The following ZCCHC14 variants were observed in gnomAD, a reference collection of about 807,000 sequenced individuals.
ZCCHC14 encodes zinc finger CCHC-type containing 14.
A neutral mutation model predicts 85.0 loss-of-function variants in ZCCHC14; 16 were observed. That is an observed-to-expected ratio of 0.19 (90% CI 0.13 to 0.29). The LOEUF (loss-of-function observed/expected upper bound fraction) is 0.29, where lower values mean the gene tolerates loss of function less well. Among genes scored for constraint, ZCCHC14 ranks in the 10% least tolerant of loss-of-function variants. ZCCHC14 has a pLI of 1.00. For missense variants in ZCCHC14, 1,303 were observed against 1,443.5 expected (o/e 0.90, Z 1.58); for synonymous variants, 775 against 630.7 (o/e 1.23, Z -3.43).
intron 8 of ZCCHC14, 131 bp from the exon 9 acceptor site, chr16:87,415,498 A>C: frequency 1.3e-6 from 1 of 745,454 alleles, no homozygotes; most frequent in Non-Finnish European, 2.2e-6. Flanking sequence ...TGAACTCAGC[A>C]ATTACAAGCT....
At chr16:87,462,495 C>T (rs1220957638) in intron 1 of ZCCHC14, among the ~76,000 whole-genome samples, 2 of 152,222 alleles carry the variant, frequency 1.3e-5, no homozygotes, top group African/African-American at 4.8e-5. Context: ...AATCCCAGCA[C>T]TTTGGGAGGC....
At chr16:87,431,488 A>C (rs1055889501) in intron 3 of ZCCHC14, among the ~76,000 whole-genome samples, 2 of 151,540 alleles carry the variant, frequency 1.3e-5, no homozygotes, top group Non-Finnish European at 2.9e-5. Flanking sequence ...AAAAAAAAAA[A>C]AAAGAAAAGA....
intron 12 of ZCCHC14, 170 bp downstream of exon 12, chr16:87,411,346 G>A: frequency 6.7e-7 from 1 of 1,498,714 alleles, no homozygotes; most frequent in South Asian, 1.4e-5. Context: ...CCCAACAGCA[G>A]TCCTTCTGGG....
At chr16:87,465,898 T>G (rs2150764470) in intron 1 of ZCCHC14, among the ~76,000 whole-genome samples, 1 of 152,068 alleles carries the variant, frequency 6.6e-6, no homozygotes, top group Admixed American at 6.5e-5. Context: ...ACTCCTGGGC[T>G]CAAGCCATCC....
At chr16:87,456,040 T>C (rs1429376568) in intron 2 of ZCCHC14, among the ~76,000 whole-genome samples, 2 of 152,188 alleles carry the variant, frequency 1.3e-5, no homozygotes, top group Non-Finnish European at 1.5e-5. Context: ...TGCGGTAAAA[T>C]GGAACTGTCT....
chr16:87,418,674 GA>G (rs1005333136), intron 7 of ZCCHC14, among the ~76,000 whole-genome samples, 172 bp downstream of exon 7: 3 of 152,178 alleles, frequency 2.0e-5, no homozygotes, highest in Non-Finnish European at 4.4e-5. Context: ...GTGGCTTAGA[GA>G]ACTCTTTTTT....
At chr16:87,433,302 A>G in intron 2 of ZCCHC14, 101 bp from the exon 3 acceptor site, 1 of 1,128,504 alleles carries the variant, frequency 8.9e-7, no homozygotes, top group Non-Finnish European at 1.3e-6. Context: ...CCAGGTTCTC[A>G]GCACCCAAGG....
chr16:87,481,287 A>C (rs1270797110), intron 1 of ZCCHC14, among the ~76,000 whole-genome samples: 1 of 152,134 alleles, frequency 6.6e-6, no homozygotes, highest in Non-Finnish European at 1.5e-5. Context: ...AATAAAATGG[A>C]GCAGCTATGA....
At chr16:87,461,843 G>GC (rs546899335) in intron 1 of ZCCHC14, among the ~76,000 whole-genome samples, 160 of 152,334 alleles carry the variant, frequency 1.1e-3, no homozygotes, top group Non-Finnish European at 1.9e-3. Flanking sequence ...CAATGCCCCT[G>GC]CCCCCCAGCA....
chr16:87,436,979 T>C (rs1284794461), intron 2 of ZCCHC14, among the ~76,000 whole-genome samples: 1 of 152,078 alleles, frequency 6.6e-6, no homozygotes, highest in African/African-American at 2.4e-5. Context: ...CTGCCCCCAG[T>C]GTGGCCGCCT....
At chr16:87,422,162 C>T (rs892540922) in intron 4 of ZCCHC14, among the ~76,000 whole-genome samples, 2 of 152,138 alleles carry the variant, frequency 1.3e-5, no homozygotes, top group African/African-American at 4.8e-5. Flanking sequence ...AAATGGAAAA[C>T]CTAGGGGCAA....
At chr16:87,458,381 G>C (rs995789007) in intron 2 of ZCCHC14, among the ~76,000 whole-genome samples, 1 of 152,160 alleles carries the variant, frequency 6.6e-6, no homozygotes, top group Non-Finnish European at 1.5e-5. Flanking sequence ...ATGAGGGTGC[G>C]GTGAAGACGC....
chr16:87,471,531 T>C (rs1597447182), intron 1 of ZCCHC14: 1 of 152,378 alleles, frequency 6.6e-6, no homozygotes, highest in Non-Finnish European at 1.5e-5. Context: ...TGCAAATCTC[T>C]TTCACAAATA....
At chr16:87,424,687 G>C (rs778252343) in intron 3 of ZCCHC14, among the ~76,000 whole-genome samples, 3 of 152,156 alleles carry the variant, frequency 2.0e-5, no homozygotes, top group Non-Finnish European at 4.4e-5. Flanking sequence ...GACTGAGGGG[G>C]AAGGAGAGCG....
intron 3 of ZCCHC14, among the ~76,000 whole-genome samples, chr16:87,427,711 C>A (rs561816619): frequency 2.2e-4 from 33 of 152,292 alleles, no homozygotes; most frequent in African/African-American, 7.5e-4. Context: ...GATCTTGGCT[C>A]ACTGCAGCCT....
rs1908730523 is a variant in ZCCHC14 at position 87,415,412 on chromosome 16, G to A, written c.1384-45C>T. 3 of 1,542,160 alleles carry A rather than the reference G, an allele frequency of 1.9e-6. No individual in the cohort carries two copies. The African/African-American group carries it at 4.1e-5, about 21-fold the overall frequency. On this transcript the variant is annotated intron_variant, in intron 8 of 12. Transcript: ENST00000671377. Reference sequence around the variant, plus strand: ...TTACAAAGTTACGGAGACATAAGTAGGACTCTGAGAACAAAGAACTTGGAG... The same window carrying A: ...TTACAAAGTTACGGAGACATAAGTAAGACTCTGAGAACAAAGAACTTGGAG...
chr16:87,458,686 C>T (rs1310553245), intron 2 of ZCCHC14, among the ~76,000 whole-genome samples: 1 of 152,120 alleles, frequency 6.6e-6, no homozygotes. Context: ...CACGAAGCGC[C>T]GTGCCAGGGA....
At chr16:87,430,126 T>C (rs993462745) in intron 3 of ZCCHC14, among the ~76,000 whole-genome samples, 5 of 152,244 alleles carry the variant, frequency 3.3e-5, no homozygotes. Context: ...TCAGAAATCT[T>C]CACCTAGTTT....
In ZCCHC14 at chr16:87,413,248, G is replaced by C. The variant is rs2150721640; in HGVS notation, c.1604-53C>G. 7 of 1,468,632 alleles carry C rather than the reference G, an allele frequency of 4.8e-6. No homozygotes were observed. In the East Asian group the frequency reaches 7.4e-5, roughly 16 times the overall value. 91.0% of individuals were successfully genotyped at this position (1,468,632 alleles called of 1,614,324 possible). A position where few individuals can be genotyped will look rare whatever the true frequency, so the allele number is the denominator to read the frequency against. Reference sequence around the variant, plus strand: ...ATCAACTAGCGCCCCTGCAGGCTCAGCCCGCCCCGTGCCCCTGCATCGCAC... The same window carrying C: ...ATCAACTAGCGCCCCTGCAGGCTCACCCCGCCCCGTGCCCCTGCATCGCAC... On this transcript the variant is annotated intron_variant, in intron 10 of 12. Coordinates refer to ENST00000671377, the MANE Select transcript of ZCCHC14 (RefSeq NM_015144.3).
Sources: gnomAD v4.1 joint callset for allele counts (sites outside exome capture counted in the v4.1 genomes callset) on GRCh38, gnomAD v4.1.1 for gene constraint, MANE v1.5 for transcripts, NCBI Gene and HGNC (gene_info 2026-07-23, HGNC 2026-07-21) for gene names.